BTBD7: variants seen among roughly 807,000 people sequenced by gnomAD.
BTBD7 encodes the protein BTB domain containing 7.
Under a neutral mutation model 99.9 loss-of-function variants are expected in BTBD7, and 38 were observed. That is an observed-to-expected ratio of 0.38 (90% CI 0.29 to 0.50). BTBD7 has a LOEUF of 0.50. Among genes scored for constraint, BTBD7 ranks in the 20% least tolerant of loss-of-function variants. BTBD7 has a pLI of 0.93. For missense variants in BTBD7, 1,170 were observed against 1,394.6 expected (o/e 0.84, Z 2.57); for synonymous variants, 520 against 511.4 (o/e 1.02, Z -0.23).
chr14:93,242,920 T>C lies in BTBD7; in HGVS notation c.2752A>G (p.Arg918Gly), dbSNP rs1242664164. The change falls in exon 11 of 11, where the codon AGA (arginine) becomes GGA (glycine). Residue 918 changes from arginine to glycine, a missense_variant. Arg to Gly is a moderately radical substitution (Grantham distance 125). Transcript: ENST00000334746. The part of the protein sequence containing the change: ...PPQHLSCIPQ[R>G]HTHTSRKKHT... Reference sequence around the variant, plus strand: ...TTTTTCCGAGAAGTGTGTGTATGTCTCTGTGGAATACACGACAGATGCTGG... The same window carrying C: ...TTTTTCCGAGAAGTGTGTGTATGTCCCTGTGGAATACACGACAGATGCTGG... 2.5e-6 allele frequency: 4 copies of C among 1,614,162 alleles called. No individual in the cohort carries two copies. Among genetic ancestry groups the C allele is most frequent in the Non-Finnish European group, 3.4e-6 (4 of 1,180,030 alleles).
chr14:93,319,736 T>C (rs1484269830), intron 1 of BTBD7, among the ~76,000 whole-genome samples: 1 of 152,196 alleles, frequency 6.6e-6, no homozygotes, highest in Non-Finnish European at 1.5e-5. Flanking sequence ...TGTACAACAC[T>C]GTACCTATAG....
chr14:93,273,431 G>C lies in BTBD7; in HGVS notation c.1163-9438C>G, dbSNP rs148475298. ...AAAAGACCCTATTTCTTGCAGCTGC[G>C]GGGCAGATTGCCAAAATTCAGGCTC... On this transcript the variant is annotated intron_variant, in intron 3 of 10. Transcript: ENST00000334746. 1.2e-3 allele frequency among the ~76,000 whole-genome samples: 189 copies of C among 152,262 alleles called. 1 individual carries two copies. Among genetic ancestry groups the C allele is most frequent in the African/African-American group, 4.1e-3 (172 of 41,560 alleles).
Position 93,266,983 on chromosome 14 carries a change from T to G in BTBD7, c.1163-2990A>C, listed in dbSNP as rs566701884. On this transcript the variant is annotated intron_variant, in intron 3 of 10. Coordinates refer to ENST00000334746, the MANE Select transcript of BTBD7 (RefSeq NM_001002860.4). ...ACCAAGCTGAGGAGGACAGACCTCA[T>G]TCAGTAGCCAGTGGAGGACCTCTGT... Among the ~76,000 whole-genome samples, 6 of 152,326 alleles carry G rather than the reference T, an allele frequency of 3.9e-5. No homozygotes were observed. In the South Asian group the frequency reaches 1.2e-3, roughly 32 times the overall value.
chr14:93,316,332 T>C (rs1252858066), intron 1 of BTBD7, among the ~76,000 whole-genome samples: 1 of 151,890 alleles, frequency 6.6e-6, no homozygotes, highest in Non-Finnish European at 1.5e-5. Context: ...GGCACAATCA[T>C]AGCTCACTGT....
At chr14:93,254,660 G>A (rs2052409777) in intron 6 of BTBD7, among the ~76,000 whole-genome samples, 1 of 152,210 alleles carries the variant, frequency 6.6e-6, no homozygotes, top group African/African-American at 2.4e-5. Context: ...GCAGTGCACA[G>A]CTAACTGAAT....
chr14:93,252,017 T>C (rs968996244), intron 7 of BTBD7, among the ~76,000 whole-genome samples: 2 of 152,142 alleles, frequency 1.3e-5, no homozygotes, highest in African/African-American at 2.4e-5. Flanking sequence ...ATATTGAAGA[T>C]TGATAATCAG....
chr14:93,303,333 G>A (rs1013012918), intron 1 of BTBD7, among the ~76,000 whole-genome samples: 2 of 152,056 alleles, frequency 1.3e-5, no homozygotes, highest in African/African-American at 4.8e-5. Context: ...GTCAGGCATG[G>A]TGACACATGC....
intron 10 of BTBD7, among the ~76,000 whole-genome samples, chr14:93,245,239 A>G (rs1342661179): frequency 6.6e-6 from 1 of 152,112 alleles, no homozygotes; most frequent in African/African-American, 2.4e-5. Context: ...AGAATCCTCT[A>G]TCAATTTACT....
chr14:93,325,106 A>AT (rs34523849), intron 1 of BTBD7, among the ~76,000 whole-genome samples: 16,105 of 105,326 alleles, frequency 0.15, 1,709 homozygotes, highest in Admixed American at 0.2. Flanking sequence ...GCATGCTCCA[A>AT]TTTTTTTTTT....
intron 3 of BTBD7, among the ~76,000 whole-genome samples, chr14:93,279,347 T>A (rs1206931009): frequency 6.6e-6 from 1 of 152,190 alleles, no homozygotes; most frequent in African/African-American, 2.4e-5. Flanking sequence ...CTGCCTGATA[T>A]GCTCGCTTTT....
At chr14:93,295,145 G>A (rs992762338) in intron 2 of BTBD7, among the ~76,000 whole-genome samples, 1 of 152,162 alleles carries the variant, frequency 6.6e-6, no homozygotes, top group African/African-American at 2.4e-5. Context: ...GTCTCACTGT[G>A]TTGCTCAAGC....
chr14:93,286,858 A>T (rs1183289065), intron 3 of BTBD7, among the ~76,000 whole-genome samples: 2 of 152,154 alleles, frequency 1.3e-5, no homozygotes, highest in Non-Finnish European at 2.9e-5. Flanking sequence ...CAAAGATATG[A>T]TAAAGTCTCC....
chr14:93,331,879 T>C (rs373055970), intron 1 of BTBD7, among the ~76,000 whole-genome samples: 83 of 133,084 alleles, frequency 6.2e-4, no homozygotes, highest in African/African-American at 1.6e-3. Flanking sequence ...AGACTCCGTC[T>C]CCCCCCCCCC....
chr14:93,268,754 AC>A (rs1418708117), intron 3 of BTBD7, among the ~76,000 whole-genome samples: 17 of 132,414 alleles, frequency 1.3e-4, no homozygotes, highest in African/African-American at 3.1e-4. Context: ...TCTAACTTAG[AC>A]CTTTTTTTTT....
chr14:93,296,767 C>G (rs1249045635), intron 1 of BTBD7, among the ~76,000 whole-genome samples: 1 of 151,808 alleles, frequency 6.6e-6, no homozygotes, highest in Non-Finnish European at 1.5e-5. Context: ...GCAAGAGACA[C>G]AAAACAAAAA....
chr14:93,308,287 C>CAA (rs869127588), intron 1 of BTBD7, among the ~76,000 whole-genome samples: 25 of 74,872 alleles, frequency 3.3e-4, no homozygotes, highest in African/African-American at 6.5e-4. Flanking sequence ...ACTCGGTCTC[C>CAA]AAAAAAAAAA....
chr14:93,307,977 T>A (rs1324618116), intron 1 of BTBD7, among the ~76,000 whole-genome samples: 1 of 152,148 alleles, frequency 6.6e-6, no homozygotes, highest in Non-Finnish European at 1.5e-5. Flanking sequence ...TCCTTCACAG[T>A]CTAAGCCTCT....
intron 5 of BTBD7, 91 bp downstream of exon 5, chr14:93,261,511 T>C: frequency 1.5e-5 from 15 of 1,014,442 alleles, no homozygotes; most frequent in Non-Finnish European, 2.1e-5. Flanking sequence ...ACAGTGTCAA[T>C]TTTCAAGACT....
At chr14:93,252,874 T>G (rs1201110944) in intron 7 of BTBD7, among the ~76,000 whole-genome samples, 2 of 151,604 alleles carry the variant, frequency 1.3e-5, no homozygotes, top group Non-Finnish European at 2.9e-5. Context: ...CAGGTTGGAG[T>G]GCAGTGGCAC....
Sources: allele counts gnomAD v4.1 joint callset (sites outside exome capture counted in the v4.1 genomes callset), GRCh38; gene constraint gnomAD v4.1.1; transcripts MANE v1.5; gene names NCBI Gene and HGNC (gene_info 2026-07-23, HGNC 2026-07-21).